PLA2G4C: variants seen among roughly 807,000 people sequenced by gnomAD.
PLA2G4C encodes the protein phospholipase A2 group IVC.
PLA2G4C carries 64 observed loss-of-function variants against 73.8 expected under a neutral mutation model. The ratio of observed to expected loss-of-function variants is 0.87; its 90% CI spans 0.71 to 1.07. The LOEUF (loss-of-function observed/expected upper bound fraction) is 1.07, where lower values mean the gene tolerates loss of function less well. PLA2G4C is among the 50% of genes least tolerant of loss of function. The pLI, the probability that PLA2G4C is intolerant of heterozygous loss-of-function variation, is 0.00. For synonymous variants in PLA2G4C, 254 were observed against 252.1 expected (o/e 1.01, Z -0.07); for missense variants, 622 against 665.4 (o/e 0.93, Z 0.72).
chr19:48,095,691 GA>G, intron 6 of PLA2G4C, 87 bp from the exon 7 acceptor site: 1 of 1,327,622 alleles, frequency 7.5e-7, no homozygotes, highest in Admixed American at 1.7e-5. Context: ...TATTAATGAG[GA>G]ATTACAACCA....
At chr19:48,100,031 G>T (rs1327997715) in intron 4 of PLA2G4C, 171 bp from the exon 5 acceptor site, 2 of 499,986 alleles carry the variant, frequency 4.0e-6, no homozygotes, top group Non-Finnish European at 7.0e-6. Context: ...GAACGATCAA[G>T]TTCGAAGGAG....
At chr19:48,074,926 G>A (rs894959334) in intron 11 of PLA2G4C, 52 bp from the exon 12 acceptor site, 9 of 1,154,732 alleles carry the variant, frequency 7.8e-6, no homozygotes, top group African/African-American at 1.5e-5. Context: ...ACCCTACCAA[G>A]AACATCACAG....
rs200024714 is a variant in PLA2G4C at position 48,095,570 on chromosome 19, G to A, written c.603C>T (p.Gly201=). 20 of 1,614,096 alleles carry A rather than the reference G, an allele frequency of 1.2e-5. No individual in the cohort carries two copies. The African/African-American group carries it at 1.3e-4, about 11-fold the overall frequency. ...TWFEFTPHHA[G]FSALGAFVSI... is the part of the protein sequence containing the mutation. ...AAACAAAGGCCCCCAGTGCAGAGAA[G>A]CCAGCGTGGTGAGGGGTGAACTCGA... The change falls in exon 7 of 17, where the codon GGC becomes GGT. Residue 201 remains glycine, a synonymous_variant. Transcript: ENST00000599921.
At position 48,062,038 on chromosome 19, in the gene PLA2G4C, A is replaced by AGGT; in HGVS notation, c.1214_1216dup (p.His405dup). On this transcript the variant is annotated inframe_insertion, in exon 14 of 17. Coordinates refer to ENST00000599921, the MANE Select transcript of PLA2G4C (RefSeq NM_003706.3). ...GGCACTGAAGTCGAAGGAGAGGATG[A>AGGT]GGTGAACCTCCCGCGTCGGGGGCAG... 5.0e-6 allele frequency: 8 copies of AGGT among 1,613,884 alleles called. No individual in the cohort carries two copies. The highest frequency in any genetic ancestry group is 6.8e-6 in the Non-Finnish European group (8 of 1,179,946).
intron 1 of PLA2G4C, among the ~76,000 whole-genome samples, chr19:48,107,598 C>T (rs1484417356): frequency 6.6e-6 from 1 of 152,078 alleles, no homozygotes; most frequent in Non-Finnish European, 1.5e-5. Context: ...GCCTAGAGAC[C>T]AGGAAAGGGA....
chr19:48,082,032 G>C (rs1187116301), intron 10 of PLA2G4C, among the ~76,000 whole-genome samples: 7 of 152,082 alleles, frequency 4.6e-5, no homozygotes, highest in African/African-American at 1.7e-4. Flanking sequence ...AGTGAGACGA[G>C]ATCTTGCTAC....
At chr19:48,067,192 G>A (rs1410983401) in intron 13 of PLA2G4C, among the ~76,000 whole-genome samples, 2 of 148,938 alleles carry the variant, frequency 1.3e-5, no homozygotes, top group Non-Finnish European at 3.0e-5. Flanking sequence ...TTTTTTAGAT[G>A]GTGTCTCGCT....
At position 48,101,674 on chromosome 19, in the gene PLA2G4C, C is replaced by CTTTTT. The variant is rs71181648; in HGVS notation, c.258-1819_258-1815dup. 6.7e-4 allele frequency among the ~76,000 whole-genome samples: 88 copies of CTTTTT among 131,828 alleles called. 3 individuals carry two copies. In the East Asian group the frequency reaches 0.014, roughly 21 times the overall value. The allele number at this position is 131,828 out of a possible 152,430, so 86.5% of individuals were successfully genotyped here. A position where few individuals can be genotyped will look rare whatever the true frequency, so the allele number is the denominator to read the frequency against. On this transcript the variant is annotated intron_variant, in intron 4 of 16. Transcript: ENST00000599921. ...TATGAAAAGTTCTTTCCTTTAATAT[C>CTTTTT]TTTTTTTTTTTTTTTTTGAGATGGA...
intron 2 of PLA2G4C, among the ~76,000 whole-genome samples, chr19:48,105,837 C>CCCTCCCTT (rs1431567658): frequency 2.1e-4 from 8 of 37,372 alleles, no homozygotes; most frequent in African/African-American, 2.1e-3. Context: ...CTCCCTCCCT[C>CCCTCCCTT]CCTTCCTTCC....
intron 1 of PLA2G4C, among the ~76,000 whole-genome samples, chr19:48,108,370 A>G (rs1311984066): frequency 1.3e-5 from 2 of 152,172 alleles, no homozygotes; most frequent in South Asian, 2.1e-4. Context: ...TCCCGGGCTC[A>G]TGCAATCCTC....
At position 48,062,015 on chromosome 19, in the gene PLA2G4C, CACTGAAGTCGAAGGA is replaced by C; in HGVS notation, c.1225_1239del (p.Ser409_Ser413del). 6.2e-7 allele frequency: 1 copy of C among 1,613,932 alleles called. No individual in the cohort carries two copies. The highest frequency in any genetic ancestry group is 8.5e-7 in the Non-Finnish European group (1 of 1,179,998). On this transcript the variant is annotated inframe_deletion, in exon 14 of 17. Transcript: ENST00000599921. ...TCGATTACCTCGAAAGGATCTCCGG[CACTGAAGTCGAAGGA>C]GAGGATGAGGTGAACCTCCCGCGTC...
chr19:48,100,416 G>A (rs1040998476), intron 4 of PLA2G4C, among the ~76,000 whole-genome samples: 8 of 151,160 alleles, frequency 5.3e-5, no homozygotes, highest in African/African-American at 1.2e-4. Flanking sequence ...CTCTAGTGCC[G>A]GATACTCAGG....
At chr19:48,097,247 T>C (rs1276924958) in intron 6 of PLA2G4C, 9 of 115,856 alleles carry the variant, frequency 7.8e-5, no homozygotes, top group African/African-American at 2.3e-4. Flanking sequence ...CTTTTTTCTT[T>C]TTTCTTTTTT....
chr19:48,097,419 A>G (rs1020007971), intron 6 of PLA2G4C, among the ~76,000 whole-genome samples: 9 of 149,946 alleles, frequency 6.0e-5, no homozygotes, highest in African/African-American at 2.0e-4. Flanking sequence ...CGCCCAGCTA[A>G]TTTTTTGTAT....
At chr19:48,049,404 T>C (rs2386980) in intron 16 of PLA2G4C, among the ~76,000 whole-genome samples, 129,406 of 152,004 alleles carry the variant, frequency 0.85, 56,301 homozygotes, top group South Asian at 0.95. Context: ...GCTTTCACTT[T>C]ACTCCTCAGC....
chr19:48,050,385 C>T (rs1480353215), intron 16 of PLA2G4C, among the ~76,000 whole-genome samples: 1 of 152,154 alleles, frequency 6.6e-6, no homozygotes, highest in Admixed American at 6.5e-5. Context: ...TTTCTCTTCC[C>T]TCTACCTTGC....
At chr19:48,049,432 G>A (rs139459698) in intron 16 of PLA2G4C, among the ~76,000 whole-genome samples, 49 of 152,118 alleles carry the variant, frequency 3.2e-4, no homozygotes, top group African/African-American at 9.6e-4. Context: ...ACGTTCGGTC[G>A]TCTCCATGGC....
At chr19:48,073,747 TG>T in intron 12 of PLA2G4C, among the ~76,000 whole-genome samples, 1 of 151,870 alleles carries the variant, frequency 6.6e-6, no homozygotes, top group South Asian at 2.1e-4. Flanking sequence ...GGAAAGTGAA[TG>T]GGGAGCAGGC....
At chr19:48,088,791 C>A in intron 8 of PLA2G4C, 79 bp from the exon 9 acceptor site, 1 of 1,057,336 alleles carries the variant, frequency 9.5e-7, no homozygotes, top group Non-Finnish European at 1.5e-6. Context: ...TACAGATGAC[C>A]TGCAGGGATA....
Sources: allele counts gnomAD v4.1 joint callset (sites outside exome capture counted in the v4.1 genomes callset), GRCh38; gene constraint gnomAD v4.1.1; transcripts MANE v1.5; gene names NCBI Gene and HGNC (gene_info 2026-07-23, HGNC 2026-07-21).